LSP1: variants seen among roughly 807,000 people sequenced by gnomAD.
LSP1 encodes lymphocyte specific protein 1.
LSP1 carries 32 observed loss-of-function variants against 49.3 expected under a neutral mutation model. The ratio of observed to expected loss-of-function variants is 0.65; its 90% CI spans 0.49 to 0.87. The LOEUF is 0.87. Ranked by LOEUF, LSP1 falls within the 40% of genes least tolerant of loss-of-function variation. LSP1 has a pLI of 0.00. For missense variants in LSP1, 428 were observed against 442.6 expected (o/e 0.97, Z 0.30); for synonymous variants, 179 against 178.8 (o/e 1.00, Z -0.01).
chr11:1,863,932 A>G (rs1266097268), intron 1 of LSP1, among the ~76,000 whole-genome samples: 1 of 152,086 alleles, frequency 6.6e-6, no homozygotes, highest in Non-Finnish European at 1.5e-5. Context: ...GAAAGGCAGC[A>G]GCCTCCCCAT....
chr11:1,874,730 C>T (rs138858052), intron 1 of LSP1, among the ~76,000 whole-genome samples: 1,807 of 152,254 alleles, frequency 0.012, 44 homozygotes, highest in African/African-American at 0.042. Context: ...TGAGAACCGG[C>T]AGGGGAGGCT....
intron 1 of LSP1, chr11:1,870,370 A>G: frequency 1.6e-6 from 2 of 1,259,660 alleles, no homozygotes; most frequent in Non-Finnish European, 2.1e-6. Flanking sequence ...CTGGGAAAGA[A>G]GTGCCGGCCC....
At chr11:1,870,740 A>G in intron 1 of LSP1, 3 of 1,003,326 alleles carry the variant, frequency 3.0e-6, no homozygotes, top group African/African-American at 1.7e-5. Flanking sequence ...ATCTGTGGGC[A>G]GAGACTTCAG....
chr11:1,861,572 T>C (rs1371188735), intron 1 of LSP1, among the ~76,000 whole-genome samples: 1 of 145,298 alleles, frequency 6.9e-6, no homozygotes, highest in East Asian at 2.1e-4. Context: ...AATGGATAGA[T>C]AAATAGATGA....
rs958963513 is a variant in LSP1 at position 1,883,332 on chromosome 11, T to C, written c.357-87T>C. The C allele has an allele frequency of 1.1e-5, 16 of 1,513,720 alleles. No homozygotes were observed. The Admixed American group carries it at 1.3e-4, about 12-fold the overall frequency. The allele number at this position is 1,513,720 out of a possible 1,614,324, so 93.8% of individuals were successfully genotyped here. On this transcript the variant is annotated intron_variant, in intron 3 of 10. Transcript: ENST00000311604. ...AGCCTGACTACCTTCATTTTACAGA[T>C]GGGGAAACTGAGGCTTGGAAAAAGG...
intron 1 of LSP1, chr11:1,869,742 G>A (rs531217517): frequency 6.2e-5 from 29 of 470,618 alleles, no homozygotes; most frequent in South Asian, 2.5e-4. Context: ...GAGGGCTGGC[G>A]AGCTTGCCAA....
At position 1,866,381 on chromosome 11, in the gene LSP1, G is replaced by A. The variant is rs1471069785; in HGVS notation, c.53+13184G>A. 4.3e-6 allele frequency: 5 copies of A among 1,162,936 alleles called. No homozygotes were observed. In the African/African-American group the frequency reaches 4.7e-5, roughly 11 times the overall value. The allele number at this position is 1,162,936 out of a possible 1,614,324, so 72.0% of individuals were successfully genotyped here. ...GGCCAGAGAGCCAGGGATGCCCATG[G>A]GGGTGAGCTAAGTGGGGTCTGAGGA... On this transcript the variant is annotated intron_variant, in intron 1 of 10. Transcript: ENST00000311604.
At chr11:1,889,133 A>G in intron 10 of LSP1, 3 of 637,152 alleles carry the variant, frequency 4.7e-6, no homozygotes, top group South Asian at 1.8e-5. Context: ...TCTGGGGGCC[A>G]TTCTGGCCAC....
At chr11:1,865,430 C>T (rs117029470) in intron 1 of LSP1, among the ~76,000 whole-genome samples, 2,033 of 147,814 alleles carry the variant, frequency 0.014, 34 homozygotes, top group South Asian at 0.071. Context: ...TGTGTGAGTG[C>T]GGAGGCTGCT....
At chr11:1,862,503 C>T (rs1847668277) in intron 1 of LSP1, among the ~76,000 whole-genome samples, 1 of 152,148 alleles carries the variant, frequency 6.6e-6, no homozygotes, top group South Asian at 2.1e-4. Context: ...GCTGGGACTC[C>T]TCCAGAAGTT....
rs1159958990 is a variant in LSP1 at position 1,887,541 on chromosome 11, T to C, written c.998T>C (p.Val333Ala). Residue 333 changes from valine to alanine, a missense_variant, in exon 10 of 11, where the codon GTG becomes GCG. Coordinates refer to ENST00000311604, the MANE Select transcript of LSP1 (RefSeq NM_002339.3). Reference sequence around the variant, plus strand: ...CATGGGAAGTATGAGAAGGTGCTTGTGGAAGGGGGCCCGGCTCCCTAGGCG... The same window carrying C: ...CATGGGAAGTATGAGAAGGTGCTTGCGGAAGGGGGCCCGGCTCCCTAGGCG... Reference protein sequence around the residue: ...TGHGKYEKVLVEGGPAP With the variant: ...TGHGKYEKVLAEGGPAP 3.1e-5 allele frequency: 50 copies of C among 1,613,036 alleles called. No homozygotes were observed. The highest frequency in any genetic ancestry group is 4.2e-5 in the Non-Finnish European group (49 of 1,179,808).
Position 1,864,989 on chromosome 11 carries a change from G to A in LSP1, c.53+11792G>A, listed in dbSNP as rs867329704. 7.9e-5 allele frequency among the ~76,000 whole-genome samples: 12 copies of A among 152,196 alleles called. No homozygotes were observed. The South Asian group carries it at 1.2e-3, about 16-fold the overall frequency. On this transcript the variant is annotated intron_variant, in intron 1 of 10. Coordinates refer to ENST00000311604, the MANE Select transcript of LSP1 (RefSeq NM_002339.3). ...GGACAGGGGAGGGGTGACAGCCAGC[G>A]AGAGACCGAGGGCCAGGGCAGAGCG...
intron 1 of LSP1, chr11:1,870,215 C>T: frequency 8.2e-7 from 1 of 1,222,850 alleles, no homozygotes; most frequent in Non-Finnish European, 1.1e-6. Context: ...CCATGTGAGT[C>T]TCCCACGGCC....
chr11:1,868,315 C>T (rs1386493360), intron 1 of LSP1, among the ~76,000 whole-genome samples: 1 of 152,208 alleles, frequency 6.6e-6, no homozygotes, highest in Non-Finnish European at 1.5e-5. Flanking sequence ...CATTGAGGTC[C>T]CCGGAGCCCC....
intron 3 of LSP1, 101 bp from the exon 4 acceptor site, chr11:1,883,318 C>G (rs1374558144): frequency 6.8e-7 from 1 of 1,460,396 alleles, no homozygotes; most frequent in Non-Finnish European, 9.4e-7. Context: ...GCCTGACTAC[C>G]TTCATTTTAC....
At chr11:1,878,515 G>A (rs539081162) in intron 1 of LSP1, among the ~76,000 whole-genome samples, 5 of 152,060 alleles carry the variant, frequency 3.3e-5, no homozygotes, top group Admixed American at 1.3e-4. Context: ...CTGGGTTTGC[G>A]TGGCTGGAGT....
chr11:1,880,247 C>T, intron 2 of LSP1, 23 bp downstream of exon 2: 1 of 1,559,144 alleles, frequency 6.4e-7, no homozygotes, highest in South Asian at 1.2e-5. Flanking sequence ...ATAACGCGTG[C>T]CTGGGCTCTA....
At chr11:1,890,084 G>A (rs748663413) in intron 10 of LSP1, 6 of 715,710 alleles carry the variant, frequency 8.4e-6, no homozygotes, top group African/African-American at 7.0e-5. Flanking sequence ...AGACAGGGAC[G>A]AAGCCACTGG....
At chr11:1,880,522 C>G (rs1318117390) in intron 2 of LSP1, among the ~76,000 whole-genome samples, 2 of 152,152 alleles carry the variant, frequency 1.3e-5, no homozygotes, top group Admixed American at 6.5e-5. Context: ...CCTGGCCGAG[C>G]CCCCCACCAG....
Sources: allele counts gnomAD v4.1 joint callset (sites outside exome capture counted in the v4.1 genomes callset), GRCh38; gene constraint gnomAD v4.1.1; transcripts MANE v1.5; gene names NCBI Gene and HGNC (gene_info 2026-07-23, HGNC 2026-07-21).